The following TRPM3 variants were observed in gnomAD, a reference collection of about 807,000 sequenced individuals.
TRPM3 encodes the protein long transient receptor potential channel 3.
TRPM3 carries 77 observed loss-of-function variants against 181.2 expected under a neutral mutation model. That is an observed-to-expected ratio of 0.42 (90% CI 0.35 to 0.51). The LOEUF is 0.51. TRPM3 is among the 20% of genes least tolerant of loss of function. The pLI, the probability that TRPM3 is intolerant of heterozygous loss-of-function variation, is 0.01. For synonymous variants in TRPM3, 745 were observed against 796.4 expected (o/e 0.94, Z 1.09); for missense variants, 1,759 against 2,196.7 (o/e 0.80, Z 3.98).
At position 71,331,387 on chromosome 9, in the gene TRPM3, A is replaced by C. The variant is rs555607131; in HGVS notation, c.183+115266T>G. Among the ~76,000 whole-genome samples, 146 of 152,020 alleles carry C rather than the reference A, an allele frequency of 9.6e-4. 2 individuals are homozygous for C. Among genetic ancestry groups the C allele is most frequent in the South Asian group, 6.2e-3 (30 of 4,820 alleles). ...ATCCTTCATGTTTATCTAAGTTATA[A>C]TGCAGGCTCATAATAGATGGCACAG... On this transcript the variant is annotated intron_variant, in intron 1 of 24. Coordinates refer to the TRPM3 transcript ENST00000357533.
At chr9:70,898,762 A>AAAAAGAAAAG (rs995013288) in intron 1 of TRPM3, among the ~76,000 whole-genome samples, 1 of 143,016 alleles carries the variant, frequency 7.0e-6, no homozygotes, top group East Asian at 2.1e-4. Context: ...AAAAAAAAAA[A>AAAAAGAAAAG]AAAAGAAAAG....
intron 1 of TRPM3, among the ~76,000 whole-genome samples, chr9:71,378,372 T>C (rs1051468868): frequency 1.3e-5 from 2 of 152,084 alleles, no homozygotes; most frequent in African/African-American, 2.4e-5. Context: ...ACTTTGTAAA[T>C]TGGTACAACC....
chr9:71,342,421 T>C (rs1478444018), intron 1 of TRPM3, among the ~76,000 whole-genome samples: 4 of 151,460 alleles, frequency 2.6e-5, no homozygotes, highest in Non-Finnish European at 5.9e-5. Context: ...TGATATTATA[T>C]GATAAATATG....
intron 1 of TRPM3, among the ~76,000 whole-genome samples, chr9:71,274,490 C>A (rs1023398425): frequency 6.6e-6 from 1 of 152,116 alleles, no homozygotes; most frequent in Non-Finnish European, 1.5e-5. Context: ...AGTTAAGGGG[C>A]CCTACAAACA....
chr9:70,654,873 T>C lies in TRPM3; in HGVS notation c.1346-14213A>G, dbSNP rs536769633. Among the ~76,000 whole-genome samples the C allele has an allele frequency of 7.3e-5, 11 of 151,458 alleles. No individual in the cohort carries two copies. In the South Asian group the frequency reaches 1.3e-3, roughly 17 times the overall value. On this transcript the variant is annotated intron_variant, in intron 9 of 25. Transcript: ENST00000677713. ...ATTTTTTTTGTATTTTTAGTAGAGA[T>C]GGGGTTTCACTGTGTTACCCAGGAT... is the stretch of plus-strand genomic sequence containing the variant.
Position 70,536,164 on chromosome 9 carries a change from T to C in TRPM3, c.4949A>G (p.Tyr1650Cys). 6.2e-7 allele frequency: 1 copy of C among 1,614,190 alleles called. No homozygotes were observed. Among genetic ancestry groups the C allele is most frequent in the Non-Finnish European group, 8.5e-7 (1 of 1,180,030 alleles). The change falls in exon 26 of 26, where the codon TAC (tyrosine) becomes TGC (cysteine). Residue 1650 changes from tyrosine to cysteine, a missense_variant. Around this residue, in one of 8 missense-constraint regions of TRPM3, gnomAD observed 612 missense variants for 590.0 expected, o/e 1.04. Coordinates refer to ENST00000677713, the MANE Select transcript of TRPM3 (RefSeq NM_001366145.2). ...TVPKIERANS[Y>C]SAEEPSAPYA... Reference sequence around the variant, plus strand: ...TGGCGCACTTGGCTCCTCTGCCGAGTAGCTGTTGGCGCGCTCTATCTTGGG... The same window carrying C: ...TGGCGCACTTGGCTCCTCTGCCGAGCAGCTGTTGGCGCGCTCTATCTTGGG...
intron 9 of TRPM3, among the ~76,000 whole-genome samples, chr9:70,650,320 A>G (rs944827458): frequency 5.3e-5 from 8 of 152,204 alleles, no homozygotes; most frequent in African/African-American, 1.9e-4. Context: ...AATAAAAGTT[A>G]AAAGAGGAAA....
chr9:70,837,789 CTG>C (rs2094416492), intron 5 of TRPM3, among the ~76,000 whole-genome samples: 1 of 152,186 alleles, frequency 6.6e-6, no homozygotes, highest in Admixed American at 6.6e-5. Context: ...TGCATCGAGT[CTG>C]TCTCTGAGTT....
chr9:71,331,867 G>A (rs74196231), intron 1 of TRPM3, among the ~76,000 whole-genome samples: 7 of 1,150 alleles, frequency 6.1e-3, no homozygotes, highest in Admixed American at 0.016. Context: ...AGACGGAGGA[G>A]GAGGAAGAAA....
intron 8 of TRPM3, among the ~76,000 whole-genome samples, chr9:70,745,950 A>T (rs2134954432): frequency 6.6e-6 from 1 of 152,314 alleles, no homozygotes; most frequent in South Asian, 2.1e-4. Context: ...TTTATAATCT[A>T]ATGAGTCCCT....
chr9:70,588,788 C>A (rs549524674), intron 22 of TRPM3, among the ~76,000 whole-genome samples: 1 of 152,326 alleles, frequency 6.6e-6, no homozygotes, highest in South Asian at 2.1e-4. Context: ...AGGGCAGTCA[C>A]CCAATCCCCA....
At chr9:70,897,514 T>C (rs143663264) in intron 1 of TRPM3, among the ~76,000 whole-genome samples, 1,832 of 152,174 alleles carry the variant, frequency 0.012, 19 homozygotes, top group Middle Eastern at 0.034. Flanking sequence ...ATTTTCAATT[T>C]CCCAACAATT....
intron 1 of TRPM3, among the ~76,000 whole-genome samples, chr9:70,965,873 A>T (rs2133866777): frequency 6.6e-6 from 1 of 152,184 alleles, no homozygotes; most frequent in East Asian, 1.9e-4. Flanking sequence ...ATGGCAACAA[A>T]AGCAAAAATT....
chr9:71,281,165 G>C (rs148684590), intron 1 of TRPM3, among the ~76,000 whole-genome samples: 1 of 152,184 alleles, frequency 6.6e-6, no homozygotes, highest in South Asian at 2.1e-4. Context: ...AGCAAAGTCG[G>C]GAGGTGTGTC....
intron 22 of TRPM3, among the ~76,000 whole-genome samples, chr9:70,563,872 G>A (rs2132044608): frequency 6.6e-6 from 1 of 152,348 alleles, no homozygotes; most frequent in South Asian, 2.1e-4. Context: ...TTCCCAGTCA[G>A]CTCACGCATG....
intron 19 of TRPM3, among the ~76,000 whole-genome samples, chr9:70,609,965 T>TACCA (rs142520123): frequency 1.4e-4 from 22 of 152,306 alleles, no homozygotes; most frequent in African/African-American, 4.8e-4. Flanking sequence ...GAACAATTTC[T>TACCA]ACCATATCAG....
rs555371796 is a variant in TRPM3 at position 70,889,639 on chromosome 9, C to G, written c.178-25128G>C. The stretch of plus-strand genomic sequence containing the variant: ...AAATACTGGGTATCCATAGAAAAGA[C>G]CACTGGTCAATAAATCCCACCTAAG... On this transcript the variant is annotated intron_variant, in intron 1 of 25. Transcript: ENST00000677713. Among the ~76,000 whole-genome samples, 4 of 152,260 alleles carry G rather than the reference C, an allele frequency of 2.6e-5. No individual in the cohort carries two copies. The South Asian group carries it at 8.3e-4, about 32-fold the overall frequency.
chr9:70,570,970 G>A (rs187226363), intron 22 of TRPM3, among the ~76,000 whole-genome samples: 1 of 152,160 alleles, frequency 6.6e-6, no homozygotes, highest in Non-Finnish European at 1.5e-5. Flanking sequence ...AAGAGATAAT[G>A]AGGTACATTT....
chr9:71,048,572 G>T (rs1375164963), intron 1 of TRPM3, among the ~76,000 whole-genome samples: 1 of 152,204 alleles, frequency 6.6e-6, no homozygotes, highest in African/African-American at 2.4e-5. Flanking sequence ...ACTCTTGACT[G>T]GTTCTGTTCC....
Sources: gnomAD v4.1 joint callset for allele counts (sites outside exome capture counted in the v4.1 genomes callset) on GRCh38, gnomAD v4.1.1 for gene constraint, gnomAD v4.1.1 regional missense constraint, MANE v1.5 for transcripts, NCBI Gene and HGNC (gene_info 2026-07-23, HGNC 2026-07-21) for gene names.